KATNAL1: variants seen among roughly 807,000 people sequenced by gnomAD.
KATNAL1 encodes the protein katanin p60 ATPase-containing subunit A-like 1.
In KATNAL1, 32 loss-of-function variants were observed where a neutral mutation model predicts 55.2. The observed-to-expected ratio is 0.58, with a 90% CI of 0.44 to 0.78. The LOEUF is 0.78. KATNAL1 is among the 30% of genes least tolerant of loss of function. The pLI, the probability that KATNAL1 is intolerant of heterozygous loss-of-function variation, is 0.00. For missense variants in KATNAL1, 466 were observed against 600.9 expected, an observed-to-expected ratio of 0.78 and a Z score of 2.35; for synonymous variants, 193 against 193.6, an observed-to-expected ratio of 1.00 and a Z score of 0.02.
chr13:30,215,311 T>G (rs533320430), intron 9 of KATNAL1, among the ~76,000 whole-genome samples: 1 of 152,278 alleles, frequency 6.6e-6, no homozygotes, highest in African/African-American at 2.4e-5. Flanking sequence ...ATAGGAACAC[T>G]TTTACACTGT....
intron 1 of KATNAL1, among the ~76,000 whole-genome samples, chr13:30,305,182 A>T (rs1402752109): frequency 1.3e-5 from 2 of 152,208 alleles, no homozygotes; most frequent in Admixed American, 1.3e-4. Context: ...TGACTGCCCT[A>T]TATCAAGAAA....
chr13:30,272,980 C>G (rs1880498491), intron 3 of KATNAL1, among the ~76,000 whole-genome samples: 11 of 152,190 alleles, frequency 7.2e-5, no homozygotes, highest in Admixed American at 7.2e-4. Context: ...CTTACATACC[C>G]CTGCCTCCCT....
intron 3 of KATNAL1, among the ~76,000 whole-genome samples, chr13:30,269,235 C>A (rs966895942): frequency 1.3e-5 from 2 of 152,252 alleles, no homozygotes; most frequent in African/African-American, 4.8e-5. Flanking sequence ...GCGCACGCAG[C>A]CACGCCTGAC....
intron 8 of KATNAL1, among the ~76,000 whole-genome samples, chr13:30,229,048 C>T (rs1185147249): frequency 6.6e-6 from 1 of 152,222 alleles, no homozygotes; most frequent in Non-Finnish European, 1.5e-5. Context: ...CCATTGCACT[C>T]AGTCCCTCAC....
At chr13:30,252,694 T>A (rs1327280774) in intron 4 of KATNAL1, among the ~76,000 whole-genome samples, 1 of 151,910 alleles carries the variant, frequency 6.6e-6, no homozygotes, top group Admixed American at 6.6e-5. Flanking sequence ...CAATAAACAC[T>A]GGGGACTCCC....
At chr13:30,208,841 T>C (rs946216123) in intron 10 of KATNAL1, 103 bp from the exon 11 acceptor site, 4 of 832,514 alleles carry the variant, frequency 4.8e-6, no homozygotes, top group Non-Finnish European at 5.3e-6. Context: ...TTATTTTATA[T>C]GTTTTTATGA....
At chr13:30,291,947 A>T (rs1281021450) in intron 1 of KATNAL1, among the ~76,000 whole-genome samples, 1 of 152,128 alleles carries the variant, frequency 6.6e-6, no homozygotes, top group Admixed American at 6.6e-5. Flanking sequence ...AGGCAGGAGA[A>T]CTGCTTTGAC....
intron 1 of KATNAL1, among the ~76,000 whole-genome samples, chr13:30,286,003 A>G (rs145787448): frequency 6.6e-6 from 1 of 152,176 alleles, no homozygotes; most frequent in South Asian, 2.1e-4. Flanking sequence ...GGTGATTTGG[A>G]AGGGGGGATT....
At chr13:30,286,351 G>A (rs901231131) in intron 1 of KATNAL1, among the ~76,000 whole-genome samples, 1 of 152,226 alleles carries the variant, frequency 6.6e-6, no homozygotes, top group Non-Finnish European at 1.5e-5. Context: ...TGCAGCCTCG[G>A]GACTTGGTGC....
chr13:30,244,275 G>A (rs1204309947), intron 4 of KATNAL1, among the ~76,000 whole-genome samples: 1 of 152,070 alleles, frequency 6.6e-6, no homozygotes, highest in Non-Finnish European at 1.5e-5. Context: ...CTTTTTTATG[G>A]CTGCATAGTA....
chr13:30,287,139 TG>T (rs35897192), intron 1 of KATNAL1, among the ~76,000 whole-genome samples: 1 of 152,134 alleles, frequency 6.6e-6, no homozygotes, highest in Non-Finnish European at 1.5e-5. Flanking sequence ...GTTAAGACTT[TG>T]GGGGACGGTT....
At chr13:30,244,557 T>A (rs1267422007) in intron 4 of KATNAL1, among the ~76,000 whole-genome samples, 3 of 152,138 alleles carry the variant, frequency 2.0e-5, no homozygotes. Context: ...GTAAAAGCGT[T>A]CCTATTTCTC....
intron 3 of KATNAL1, among the ~76,000 whole-genome samples, chr13:30,277,977 C>T (rs995196619): frequency 7.7e-5 from 6 of 77,930 alleles, no homozygotes; most frequent in African/African-American, 1.7e-4. Flanking sequence ...AGCGAGACTC[C>T]GTCTCAAAAA....
chr13:30,269,597 C>T (rs1880088689), intron 3 of KATNAL1, among the ~76,000 whole-genome samples: 1 of 151,780 alleles, frequency 6.6e-6, no homozygotes, highest in Admixed American at 6.6e-5. Context: ...AGCGTCTCTG[C>T]CCGGCCGCCA....
intron 1 of KATNAL1, among the ~76,000 whole-genome samples, chr13:30,291,990 G>A (rs902800340): frequency 3.3e-5 from 5 of 151,986 alleles, no homozygotes; most frequent in East Asian, 3.9e-4. Flanking sequence ...AGCCGAGATC[G>A]CGCCACTGCA....
intron 4 of KATNAL1, among the ~76,000 whole-genome samples, chr13:30,247,050 T>C (rs1247839065): frequency 6.6e-6 from 1 of 152,188 alleles, no homozygotes; most frequent in Non-Finnish European, 1.5e-5. Context: ...AGGTAGGTAC[T>C]CTTATTATTT....
At chr13:30,231,847 C>T (rs939525375) in intron 6 of KATNAL1, among the ~76,000 whole-genome samples, 3 of 152,176 alleles carry the variant, frequency 2.0e-5, no homozygotes, top group East Asian at 1.9e-4. Context: ...TTTTCTATCA[C>T]ATGTGGCAGA....
intron 9 of KATNAL1, among the ~76,000 whole-genome samples, chr13:30,226,258 ATCTTT>A (rs371664817): frequency 1.8e-4 from 28 of 152,372 alleles, no homozygotes; most frequent in African/African-American, 5.0e-4. Flanking sequence ...CCTATGACCC[ATCTTT>A]TCTTTTCTTA....
chr13:30,265,438 TTATC>T (rs1566116115), intron 3 of KATNAL1, among the ~76,000 whole-genome samples: 2 of 151,596 alleles, frequency 1.3e-5, no homozygotes, highest in Admixed American at 6.6e-5. Flanking sequence ...CATTCCCTCA[TTATC>T]TAAGCAAATC....
Sources: allele counts gnomAD v4.1 joint callset (sites outside exome capture counted in the v4.1 genomes callset), GRCh38; gene constraint gnomAD v4.1.1; transcripts MANE v1.5; gene names NCBI Gene and HGNC (gene_info 2026-07-23, HGNC 2026-07-21).